ADAMTSL1: variants seen among roughly 807,000 people sequenced by gnomAD.
ADAMTSL1 encodes the protein ADAMTS-like protein 1.
In ADAMTSL1, 126 loss-of-function variants were observed where a neutral mutation model predicts 201.8. That is an observed-to-expected ratio of 0.62 (90% confidence interval 0.54 to 0.72). The LOEUF is 0.72. Ranked by LOEUF, ADAMTSL1 falls within the 30% of genes least tolerant of loss-of-function variation. ADAMTSL1 has a pLI of 0.00. For synonymous variants in ADAMTSL1, 1,121 were observed against 903.4 expected (o/e 1.24, Z -4.32); for missense variants, 2,679 against 2,277.8 (o/e 1.18, Z -3.59).
intron 2 of ADAMTSL1, among the ~76,000 whole-genome samples, chr9:18,264,546 G>T (rs1832046727): frequency 6.6e-6 from 1 of 152,114 alleles, no homozygotes; most frequent in African/African-American, 2.4e-5. Context: ...ACTGCCTCAG[G>T]AGTCCCCTTA....
At chr9:18,684,189 G>C (rs1830686196) in intron 12 of ADAMTSL1, among the ~76,000 whole-genome samples, 1 of 152,152 alleles carries the variant, frequency 6.6e-6, no homozygotes, top group African/African-American at 2.4e-5. Context: ...TTGTCAGTGA[G>C]CCTTGGGGTA....
intron 1 of ADAMTSL1, among the ~76,000 whole-genome samples, chr9:18,076,806 A>G (rs1823249489): frequency 6.6e-6 from 1 of 152,104 alleles, no homozygotes; most frequent in African/African-American, 2.4e-5. Context: ...ATCAATAATG[A>G]CTTGTGTTTT....
intron 15 of ADAMTSL1, among the ~76,000 whole-genome samples, chr9:18,738,518 G>A (rs572013756): frequency 8.5e-5 from 13 of 152,260 alleles, no homozygotes; most frequent in Admixed American, 2.6e-4. Flanking sequence ...GCTGACCTCC[G>A]TGTGGCTGGC....
rs577977961 is a variant in ADAMTSL1, at chr9:18,347,136, T to C, written c.208-157693T>C. On this transcript the variant is annotated intron_variant, in intron 2 of 29. Coordinates refer to the ADAMTSL1 transcript ENST00000680146. The stretch of plus-strand genomic sequence containing the variant: ...CCTTAATCTCTTCTTTTCCTCCTTA[T>C]GTGAATGGTCACCCCACTTGTAGGG... 9.1e-4 allele frequency among the ~76,000 whole-genome samples: 139 copies of C among 152,312 alleles called. 1 individual carries two copies. The highest frequency in any genetic ancestry group is 2.8e-3 in the African/African-American group (115 of 41,580).
intron 1 of ADAMTSL1, among the ~76,000 whole-genome samples, chr9:18,491,935 T>C: frequency 6.6e-6 from 1 of 152,302 alleles, no homozygotes; most frequent in East Asian, 1.9e-4. Context: ...TACAATCTAC[T>C]CTGGACAAGA....
chr9:17,961,504 G>T (rs1351501007), intron 1 of ADAMTSL1, among the ~76,000 whole-genome samples: 1 of 152,170 alleles, frequency 6.6e-6, no homozygotes, highest in Non-Finnish European at 1.5e-5. Flanking sequence ...GCCTGCCTCA[G>T]CCTCTCAGAG....
Position 17,982,419 on chromosome 9 carries a change from G to A in ADAMTSL1, c.87+75497G>A, listed in dbSNP as rs557887638. ...CACGAAGTAAGGAGTTCGAGACCAGGCTGGCCAACATGGTGAAACCCCGTC... is the reference window on the plus strand; with the variant it reads ...CACGAAGTAAGGAGTTCGAGACCAGACTGGCCAACATGGTGAAACCCCGTC... On this transcript the variant is annotated intron_variant, in intron 1 of 29. Coordinates refer to the ADAMTSL1 transcript ENST00000680146. Among the ~76,000 whole-genome samples, 5 of 151,994 alleles carry A rather than the reference G, an allele frequency of 3.3e-5. No individual in the cohort carries two copies. The South Asian group carries it at 1.0e-3, about 32-fold the overall frequency.
chr9:18,863,334 C>A (rs1278615927), intron 23 of ADAMTSL1, among the ~76,000 whole-genome samples: 1 of 152,136 alleles, frequency 6.6e-6, no homozygotes, highest in Non-Finnish European at 1.5e-5. Flanking sequence ...TACCAGATGC[C>A]CAGGATCATG....
intron 2 of ADAMTSL1, among the ~76,000 whole-genome samples, chr9:18,326,450 G>A (rs753898879): frequency 2.7e-5 from 4 of 150,750 alleles, no homozygotes; most frequent in Non-Finnish European, 4.4e-5. Context: ...AAAAAGTGGA[G>A]ATGGAGAGGA....
intron 4 of ADAMTSL1, among the ~76,000 whole-genome samples, chr9:18,589,586 C>T (rs930776865): frequency 2.6e-5 from 4 of 152,220 alleles, no homozygotes; most frequent in South Asian, 2.1e-4. Context: ...TGACTAATTG[C>T]TCTGGCTAAG....
intron 2 of ADAMTSL1, among the ~76,000 whole-genome samples, chr9:18,330,867 T>C (rs1394224001): frequency 6.6e-6 from 1 of 152,228 alleles, no homozygotes; most frequent in Admixed American, 6.5e-5. Context: ...TGTTATTTAC[T>C]GAGCACCAGT....
chr9:18,705,767 A>G (rs1332996215), intron 13 of ADAMTSL1, among the ~76,000 whole-genome samples: 1 of 152,256 alleles, frequency 6.6e-6, no homozygotes, highest in East Asian at 1.9e-4. Context: ...CATATTGAAC[A>G]AAGAAAGTTA....
intron 2 of ADAMTSL1, among the ~76,000 whole-genome samples, chr9:18,244,693 C>A (rs972444440): frequency 2.6e-5 from 4 of 152,102 alleles, no homozygotes; most frequent in Admixed American, 2.6e-4. Context: ...TGGTACATTC[C>A]AATTTTCTGA....
chr9:17,929,155 A>T (rs779534350), intron 1 of ADAMTSL1, among the ~76,000 whole-genome samples: 21 of 152,162 alleles, frequency 1.4e-4, no homozygotes, highest in Non-Finnish European at 4.4e-5. Flanking sequence ...AAACACAAAC[A>T]TATTAATAGC....
chr9:18,046,777 T>C (rs1247629935), intron 1 of ADAMTSL1, among the ~76,000 whole-genome samples: 1 of 152,172 alleles, frequency 6.6e-6, no homozygotes, highest in East Asian at 1.9e-4. Flanking sequence ...CAAGTAGTTA[T>C]GTTACAGAGA....
At chr9:17,906,687 GC>G in exon 1 of ADAMTSL1, 1 of 152,434 alleles carries the variant, frequency 6.6e-6, no homozygotes, top group Non-Finnish European at 1.5e-5. Context: ...CGCGCCGCCT[GC>G]CCCAGCGCAG....
chr9:18,292,063 G>T (rs1040398980), intron 2 of ADAMTSL1, among the ~76,000 whole-genome samples: 1 of 152,126 alleles, frequency 6.6e-6, no homozygotes. Context: ...GCAGAATTTT[G>T]TTAATCCTAG....
intron 2 of ADAMTSL1, among the ~76,000 whole-genome samples, chr9:18,318,119 T>C (rs991263650): frequency 6.6e-6 from 1 of 152,228 alleles, no homozygotes; most frequent in Non-Finnish European, 1.5e-5. Context: ...GCATGTCTCA[T>C]GATGCAAAGT....
chr9:18,560,584 G>A (rs542470567), intron 3 of ADAMTSL1, among the ~76,000 whole-genome samples: 1 of 152,066 alleles, frequency 6.6e-6, no homozygotes, highest in East Asian at 1.9e-4. Context: ...CAGAAGGAAT[G>A]GTACCAGCTC....
Sources: gnomAD v4.1 joint callset for allele counts (sites outside exome capture counted in the v4.1 genomes callset) on GRCh38, gnomAD v4.1.1 for gene constraint, MANE v1.5 for transcripts, NCBI Gene and HGNC (gene_info 2026-07-23, HGNC 2026-07-21) for gene names.